Variants in PTPRN2 observed in about 807,000 individuals in gnomAD.
PTPRN2 encodes protein tyrosine phosphatase receptor type N2.
In PTPRN2, 74 loss-of-function variants were observed where a neutral mutation model predicts 118.8. That is an observed-to-expected ratio of 0.62 (90% CI 0.52 to 0.76). The LOEUF (loss-of-function observed/expected upper bound fraction) is 0.76, where lower values mean the gene tolerates loss of function less well. Ranked by LOEUF, PTPRN2 falls within the 30% of genes least tolerant of loss-of-function variation. PTPRN2 has a pLI of 0.00. For missense variants in PTPRN2, 1,481 were observed against 1,394.4 expected, an observed-to-expected ratio of 1.06 and a Z score of -0.99; for synonymous variants, 641 against 608.0, an observed-to-expected ratio of 1.05 and a Z score of -0.80.
intron 21 of PTPRN2, among the ~76,000 whole-genome samples, chr7:157,563,612 T>C (rs1799328669): frequency 8.1e-6 from 1 of 123,024 alleles, no homozygotes; most frequent in Non-Finnish European, 1.7e-5. Context: ...ATGCAGCAGA[T>C]CAGGACCACG....
intron 2 of PTPRN2, among the ~76,000 whole-genome samples, chr7:158,439,390 C>T (rs1314154990): frequency 6.6e-6 from 1 of 152,092 alleles, no homozygotes; most frequent in Non-Finnish European, 1.5e-5. Context: ...ATTTTGTGCT[C>T]ACAAGCCTTT....
At chr7:158,112,964 G>A (rs530111138) in intron 9 of PTPRN2, among the ~76,000 whole-genome samples, 1 of 152,274 alleles carries the variant, frequency 6.6e-6, no homozygotes, top group African/African-American at 2.4e-5. Context: ...TGAAGCTGGA[G>A]CACCTAAGAC....
rs533409229 is a variant in PTPRN2, at chr7:157,585,054, TAAAC to T, written c.2497-6918_2497-6915del. Reference sequence around the variant, plus strand: ...GTGCACCTACCTGGCTTTTTTTTAGTAAACAAATATCTCAGTGTGGGATTCATTT... The same window carrying T: ...GTGCACCTACCTGGCTTTTTTTTAGTAAATATCTCAGTGTGGGATTCATTT... On this transcript the variant is annotated intron_variant, in intron 17 of 22. Transcript: ENST00000389418. This position sits in a 1 kb window ranked among gnomAD's most constrained non-coding sequence, Gnocchi z 5.2. 4.1e-3 allele frequency among the ~76,000 whole-genome samples: 621 copies of T among 152,234 alleles called. 4 individuals carry two copies. Among genetic ancestry groups the T allele is most frequent in the African/African-American group, 0.014 (597 of 41,542 alleles).
In PTPRN2 at chr7:157,929,948, G is replaced by A. The variant is rs892727; in HGVS notation, c.1724-31211C>T. 0.069 allele frequency among the ~76,000 whole-genome samples: 10,474 copies of A among 152,192 alleles called. 1,200 individuals are homozygous for A. The highest frequency in any genetic ancestry group is 0.24 in the African/African-American group (9,777 of 41,492). Reference sequence around the variant, plus strand: ...AAGCGAATTCAGTCCACATCAGCGGGTCCAAGCCTGGACCTAGACACCCGT... The same window carrying A: ...AAGCGAATTCAGTCCACATCAGCGGATCCAAGCCTGGACCTAGACACCCGT... On this transcript the variant is annotated intron_variant, in intron 11 of 22. Transcript: ENST00000389418. This position sits in a 1 kb window ranked among gnomAD's most constrained non-coding sequence, Gnocchi z 4.4.
intron 6 of PTPRN2, among the ~76,000 whole-genome samples, chr7:158,159,120 A>G (rs4272320): frequency 0.29 from 2,312 of 8,020 alleles, 775 homozygotes; most frequent in African/African-American, 0.72. Context: ...GTGATTGGCC[A>G]GGACTTTGCA....
intron 2 of PTPRN2, among the ~76,000 whole-genome samples, chr7:158,331,930 GTCAC>G (rs1457161735): frequency 6.6e-6 from 1 of 150,600 alleles, no homozygotes; most frequent in East Asian, 1.9e-4. Context: ...GCCCGCAGAT[GTCAC>G]TCACACTCAC....
intron 13 of PTPRN2, among the ~76,000 whole-genome samples, chr7:157,682,093 A>G (rs1347469493): frequency 6.6e-6 from 1 of 152,232 alleles, no homozygotes; most frequent in African/African-American, 2.4e-5. Context: ...TGCGCCATAG[A>G]ACTTCCAGAA....
intron 11 of PTPRN2, among the ~76,000 whole-genome samples, chr7:157,972,661 C>T (rs1289988912): frequency 5.0e-5 from 6 of 119,810 alleles, no homozygotes; most frequent in Non-Finnish European, 8.5e-5. Context: ...TCAGAGACCA[C>T]GGGAACTCCA....
At chr7:157,850,323 C>T (rs58307747) in intron 12 of PTPRN2, among the ~76,000 whole-genome samples, 4,866 of 83,962 alleles carry the variant, frequency 0.058, 344 homozygotes, top group African/African-American at 0.15. Context: ...TCCGAATTTC[C>T]GACGTGGGTG....
At chr7:158,527,053 A>G (rs1824831135) in intron 1 of PTPRN2, among the ~76,000 whole-genome samples, 1 of 152,182 alleles carries the variant, frequency 6.6e-6, no homozygotes, top group Non-Finnish European at 1.5e-5. Context: ...AGAAGCCCCA[A>G]GCAGAGTCGA....
At chr7:157,880,703 A>T (rs1584940464) in intron 12 of PTPRN2, among the ~76,000 whole-genome samples, 1 of 152,218 alleles carries the variant, frequency 6.6e-6, no homozygotes, top group African/African-American at 2.4e-5. Flanking sequence ...TGAACCGTGG[A>T]TCTGAAGGGT....
intron 11 of PTPRN2, among the ~76,000 whole-genome samples, chr7:157,916,411 C>A (rs943428979): frequency 6.6e-6 from 1 of 152,212 alleles, no homozygotes; most frequent in Non-Finnish European, 1.5e-5. Context: ...CCAGGTCTCT[C>A]GAGCTTGAGG....
intron 2 of PTPRN2, among the ~76,000 whole-genome samples, chr7:158,379,645 A>T (rs1401439279): frequency 6.6e-6 from 1 of 152,190 alleles, no homozygotes; most frequent in Non-Finnish European, 1.5e-5. Context: ...CACAGCCCAC[A>T]GGTGGGGCGG....
chr7:157,646,360 T>G (rs1429397166), intron 14 of PTPRN2, among the ~76,000 whole-genome samples: 3 of 152,074 alleles, frequency 2.0e-5, no homozygotes, highest in Non-Finnish European at 4.4e-5. Flanking sequence ...ATCTGTTCTC[T>G]CCCTCCTGCA....
intron 1 of PTPRN2, among the ~76,000 whole-genome samples, chr7:158,534,710 G>A (rs1042027703): frequency 6.6e-6 from 1 of 152,222 alleles, no homozygotes; most frequent in African/African-American, 2.4e-5. Flanking sequence ...ACGTCACACA[G>A]TGGCCATCTG....
Position 157,571,446 on chromosome 7 carries a change from T to C in PTPRN2, c.2831A>G (p.His944Arg). ...CATTAAAAGTTGTACTTGCCTGCAA[T>C]GAACAATTATTGGACAAGAACGGCC... ...YRGRSCPIIVHCSDGAGRSGT... is the reference protein window; with the variant it reads ...YRGRSCPIIVRCSDGAGRSGT... Residue 944 changes from histidine (H) to arginine (R), a missense_variant, in exon 20 of 23, where the codon CAT (histidine) becomes CGT (arginine). By Grantham distance (29) the His-to-Arg change is conservative. This residue lies in a region of PTPRN2 where 362 missense variants were observed against 384.1 expected (regional missense o/e 0.94). Transcript: ENST00000389418. The C allele has an allele frequency of 6.2e-7, 1 of 1,608,728 alleles. No individual in the cohort carries two copies. Among genetic ancestry groups the C allele is most frequent in the South Asian group, 1.1e-5 (1 of 89,764 alleles).
intron 1 of PTPRN2, among the ~76,000 whole-genome samples, chr7:158,523,247 C>T (rs1824352590): frequency 6.6e-6 from 1 of 152,186 alleles, no homozygotes; most frequent in Non-Finnish European, 1.5e-5. Flanking sequence ...GGTGGGTGAG[C>T]CTCAGCAGCC....
intron 12 of PTPRN2, among the ~76,000 whole-genome samples, chr7:157,826,889 T>A (rs1316796084): frequency 1.3e-5 from 2 of 152,102 alleles, no homozygotes; most frequent in African/African-American, 4.8e-5. Flanking sequence ...GGGCAGCGAA[T>A]TCATCTGCCC....
chr7:158,401,612 T>C (rs1373822327), intron 2 of PTPRN2, among the ~76,000 whole-genome samples: 1 of 152,218 alleles, frequency 6.6e-6, no homozygotes, highest in Admixed American at 6.5e-5. Context: ...GCTGTTACCA[T>C]AAGAGGAACT....
Sources: allele counts gnomAD v4.1 joint callset (sites outside exome capture counted in the v4.1 genomes callset), GRCh38; gene constraint gnomAD v4.1.1; regional missense constraint gnomAD v4.1.1; non-coding constraint Gnocchi (gnomAD v3.1); transcripts MANE v1.5; gene names NCBI Gene and HGNC (gene_info 2026-07-23, HGNC 2026-07-21).